The following NCKAP5 variants were observed in gnomAD, a reference collection of about 807,000 sequenced individuals.
The protein encoded by NCKAP5 is nck-associated protein 5.
Under a neutral mutation model 167.0 loss-of-function variants are expected in NCKAP5, and 92 were observed. That is an observed-to-expected ratio of 0.55 (90% CI 0.47 to 0.66). The LOEUF is 0.66. Among genes scored for constraint, NCKAP5 ranks in the 30% least tolerant of loss-of-function variants. The pLI is 0.00. For missense variants in NCKAP5, 2,378 were observed against 2,315.0 expected (o/e 1.03, Z -0.56); for synonymous variants, 891 against 877.4 (o/e 1.02, Z -0.27).
At chr2:133,188,368 A>T (rs1244366553) in intron 5 of NCKAP5, among the ~76,000 whole-genome samples, 1 of 152,106 alleles carries the variant, frequency 6.6e-6, no homozygotes, top group African/African-American at 2.4e-5. Context: ...AACATTAGAC[A>T]GATCAACGAG....
rs2105486942 is a variant in NCKAP5 at position 132,731,968 on chromosome 2, A to G, written c.5212T>C (p.Tyr1738His). 1 of 1,613,870 alleles carries G rather than the reference A, an allele frequency of 6.2e-7. No individual in the cohort carries two copies. Among genetic ancestry groups the G allele is most frequent in the South Asian group, 1.1e-5 (1 of 91,068 alleles). Reference protein sequence around the residue: ...PDSGNRSTGRYLCQPDSPEDA... With the variant: ...PDSGNRSTGRHLCQPDSPEDA... ...TCTGGGGAGTCTGGCTGGCATAGGT[A>G]GCGTCCTGTCGAGCGATTTCCCGAG... Residue 1738 changes from tyrosine (Y) to histidine (H), a missense_variant, in exon 17 of 20, where the codon TAC (tyrosine) becomes CAC (histidine). Coordinates refer to ENST00000409261, the MANE Select transcript of NCKAP5 (RefSeq NM_207363.3).
intron 6 of NCKAP5, among the ~76,000 whole-genome samples, chr2:133,028,645 A>T (rs935450666): frequency 2.6e-5 from 4 of 152,216 alleles, no homozygotes; most frequent in Non-Finnish European, 4.4e-5. Flanking sequence ...CATGGATCCT[A>T]AGGCAACTGC....
intron 5 of NCKAP5, among the ~76,000 whole-genome samples, chr2:133,159,650 AGAG>A (rs1391495055): frequency 6.6e-6 from 1 of 152,230 alleles, no homozygotes; most frequent in Admixed American, 6.5e-5. Flanking sequence ...GAAAGGATTC[AGAG>A]GAGAGAAAAG....
At chr2:133,531,930 C>A (rs1685398302) in intron 2 of NCKAP5, among the ~76,000 whole-genome samples, 1 of 152,130 alleles carries the variant, frequency 6.6e-6, no homozygotes, top group Non-Finnish European at 1.5e-5. Flanking sequence ...TAGTTGTAGC[C>A]CCATTCCCCT....
intron 16 of NCKAP5, among the ~76,000 whole-genome samples, chr2:132,772,699 A>T (rs1178618661): frequency 6.6e-6 from 1 of 152,134 alleles, no homozygotes; most frequent in Non-Finnish European, 1.5e-5. Context: ...TTCAGACTAC[A>T]CTCTTTCAGC....
intron 3 of NCKAP5, among the ~76,000 whole-genome samples, chr2:133,443,308 C>G (rs1158133313): frequency 6.6e-6 from 1 of 152,148 alleles, no homozygotes; most frequent in South Asian, 2.1e-4. Context: ...GTTTTAGATG[C>G]CTTTGCTCCG....
Position 132,860,599 on chromosome 2 carries a change from C to G in NCKAP5, c.700G>C (p.Glu234Gln), listed in dbSNP as rs750518866. ...ACTCTTGTTTTCAACTTCACACATTCCTCTCTTAGATCCTACAACAAACAC... is the reference window on the plus strand; with the variant it reads ...ACTCTTGTTTTCAACTTCACACATTGCTCTCTTAGATCCTACAACAAACAC... ...ALLTQKDLRE[E>Q]CVKLKTRVFD... Residue 234 changes from glutamate (E) to glutamine (Q), a missense_variant, in exon 11 of 20, where the codon GAA becomes CAA. Transcript: ENST00000409261. 6.4e-7 allele frequency: 1 copy of G among 1,573,694 alleles called. No individual in the cohort carries two copies. The highest frequency in any genetic ancestry group is 1.8e-5 in the Admixed American group (1 of 54,190).
chr2:133,484,719 G>T (rs1309253975), intron 3 of NCKAP5, among the ~76,000 whole-genome samples: 1 of 152,030 alleles, frequency 6.6e-6, no homozygotes, highest in Non-Finnish European at 1.5e-5. Flanking sequence ...TTACCTTCAG[G>T]CTGTGTGTAT....
intron 6 of NCKAP5, among the ~76,000 whole-genome samples, chr2:133,095,559 C>T (rs896844142): frequency 2.0e-5 from 3 of 152,330 alleles, no homozygotes; most frequent in Middle Eastern, 3.4e-3. Flanking sequence ...CCCCGCATGG[C>T]AGGGGTGCAG....
rs1684368698 is a variant in NCKAP5 at position 133,351,622 on chromosome 2, C to A, written c.70-48512G>T. 2.0e-5 allele frequency among the ~76,000 whole-genome samples: 3 copies of A among 152,124 alleles called. No individual in the cohort carries two copies. In the South Asian group the frequency reaches 6.2e-4, roughly 32 times the overall value. ...ATTTCCTTGTTTCCTAAAAGACACA[C>A]AAGGAGGAGGTAATGCTCTTCACCT... On this transcript the variant is annotated intron_variant, in intron 3 of 19. Coordinates refer to ENST00000409261, the MANE Select transcript of NCKAP5 (RefSeq NM_207363.3).
intron 3 of NCKAP5, among the ~76,000 whole-genome samples, chr2:133,387,835 C>T (rs1358356186): frequency 1.3e-5 from 2 of 152,320 alleles, no homozygotes; most frequent in African/African-American, 2.4e-5. Flanking sequence ...TTGATCAAAT[C>T]GGCTACTGAA....
intron 4 of NCKAP5, among the ~76,000 whole-genome samples, chr2:133,286,150 C>T (rs1679113565): frequency 6.6e-6 from 1 of 151,960 alleles, no homozygotes; most frequent in Non-Finnish European, 1.5e-5. Flanking sequence ...CGCCCACTAC[C>T]ATGCCAGGCT....
intron 7 of NCKAP5, among the ~76,000 whole-genome samples, chr2:132,980,274 G>C (rs1302716622): frequency 1.3e-5 from 2 of 151,996 alleles, no homozygotes; most frequent in African/African-American, 4.8e-5. Context: ...TTACAGGTGT[G>C]AGCCACTGCA....
chr2:133,378,654 T>C (rs1331032557), intron 3 of NCKAP5, among the ~76,000 whole-genome samples: 1 of 152,180 alleles, frequency 6.6e-6, no homozygotes, highest in Non-Finnish European at 1.5e-5. Flanking sequence ...GGGAAAGCAG[T>C]ATCTGCCACC....
the NCKAP5 span, among the ~76,000 whole-genome samples, chr2:133,650,594 G>T: frequency 2.6e-5 from 4 of 152,308 alleles, no homozygotes; most frequent in African/African-American, 7.2e-5. Context: ...GTTCCAGGAG[G>T]CTGAGTGTGG....
At chr2:133,349,525 C>T (rs1002399777) in intron 3 of NCKAP5, among the ~76,000 whole-genome samples, 1 of 152,200 alleles carries the variant, frequency 6.6e-6, no homozygotes, top group Non-Finnish European at 1.5e-5. Context: ...TATTCTGCTT[C>T]CTAATGAGAA....
intron 16 of NCKAP5, among the ~76,000 whole-genome samples, chr2:132,770,222 G>A (rs974550161): frequency 2.6e-5 from 4 of 151,858 alleles, no homozygotes; most frequent in Non-Finnish European, 2.9e-5. Context: ...ATACAAATAT[G>A]TGGCCGAAAA....
chr2:133,131,754 G>A (rs768667000), intron 5 of NCKAP5, among the ~76,000 whole-genome samples: 7 of 152,124 alleles, frequency 4.6e-5, no homozygotes, highest in Non-Finnish European at 1.5e-5. Context: ...GGTTGTGGAA[G>A]ATAAATGGGT....
At chr2:132,871,972 C>T (rs73956069) in intron 9 of NCKAP5, among the ~76,000 whole-genome samples, 11,121 of 152,198 alleles carry the variant, frequency 0.073, 553 homozygotes, top group African/African-American at 0.14. Flanking sequence ...GCCTGGAATG[C>T]GTCCCTGCCC....
Sources: allele counts gnomAD v4.1 joint callset (sites outside exome capture counted in the v4.1 genomes callset), GRCh38; gene constraint gnomAD v4.1.1; transcripts MANE v1.5; gene names NCBI Gene and HGNC (gene_info 2026-07-23, HGNC 2026-07-21).